TBC1D9: variants seen among roughly 807,000 people sequenced by gnomAD.
TBC1D9 encodes the protein TBC1 domain family member 9A.
TBC1D9 carries 63 observed loss-of-function variants against 132.0 expected under a neutral mutation model. The observed-to-expected ratio is 0.48, with a 90% CI of 0.39 to 0.59. TBC1D9 has a LOEUF of 0.59. TBC1D9 is among the 20% of genes least tolerant of loss of function. The pLI is 0.00. For missense variants in TBC1D9, 1,261 were observed against 1,592.7 expected (o/e 0.79, Z 3.54); for synonymous variants, 610 against 609.9 (o/e 1.00, Z 0.00).
Position 140,692,284 on chromosome 4 carries a change from G to A in TBC1D9, c.242-5822C>T, listed in dbSNP as rs555898989. Among the ~76,000 whole-genome samples, 5 of 152,258 alleles carry A rather than the reference G, an allele frequency of 3.3e-5. No individual in the cohort carries two copies. The South Asian group carries it at 1.0e-3, about 32-fold the overall frequency. ...CCTAGTATTTTCAGATTCAGAACAGGCTATGTGGATCACTGAGTTCACATG... is the reference window on the plus strand; with the variant it reads ...CCTAGTATTTTCAGATTCAGAACAGACTATGTGGATCACTGAGTTCACATG... On this transcript the variant is annotated intron_variant, in intron 2 of 20. Transcript: ENST00000442267.
At position 140,681,092 on chromosome 4, in the gene TBC1D9, C is replaced by A. The variant is rs540158447; in HGVS notation, c.361-1249G>T. On this transcript the variant is annotated intron_variant, in intron 3 of 20. Transcript: ENST00000442267. Reference sequence around the variant, plus strand: ...TTTTTGGATCCAACCAATGCCGCAACTTTTTCTCACTGGACTACATCCTAC... The same window carrying A: ...TTTTTGGATCCAACCAATGCCGCAAATTTTTCTCACTGGACTACATCCTAC... Among the ~76,000 whole-genome samples the A allele has an allele frequency of 4.8e-4, 73 of 152,288 alleles. 4 individuals carry two copies. The South Asian group carries it at 0.015, about 31-fold the overall frequency.
chr4:140,646,466 T>G (rs1043397947), intron 13 of TBC1D9, among the ~76,000 whole-genome samples: 1 of 152,210 alleles, frequency 6.6e-6, no homozygotes, highest in Admixed American at 6.5e-5. Context: ...AAACAATGAA[T>G]ACTTTTTTAC....
chr4:140,689,455 C>CCCCTT (rs72259208), intron 2 of TBC1D9, among the ~76,000 whole-genome samples: 3 of 79,530 alleles, frequency 3.8e-5, no homozygotes, highest in African/African-American at 1.0e-4. Context: ...CTTCCCTTCC[C>CCCCTT]CCCTTCCCTT....
intron 2 of TBC1D9, among the ~76,000 whole-genome samples, chr4:140,692,224 A>G (rs1337742538): frequency 6.6e-6 from 1 of 152,194 alleles, no homozygotes; most frequent in Non-Finnish European, 1.5e-5. Context: ...CAAAACAAAA[A>G]CCCAATAAGC....
At chr4:140,656,539 C>T (rs1235418486) in intron 13 of TBC1D9, among the ~76,000 whole-genome samples, 1 of 152,152 alleles carries the variant, frequency 6.6e-6, no homozygotes, top group Non-Finnish European at 1.5e-5. Context: ...ACCAGTACTG[C>T]ACAAAGCCCT....
chr4:140,641,831 C>A (rs570204201), intron 13 of TBC1D9: 13 of 303,606 alleles, frequency 4.3e-5, no homozygotes, highest in South Asian at 3.9e-4. Flanking sequence ...GGCCTTCCTG[C>A]GGCCATCCGC....
intron 15 of TBC1D9, among the ~76,000 whole-genome samples, chr4:140,636,065 A>C (rs1736875126): frequency 6.6e-6 from 1 of 152,186 alleles, no homozygotes; most frequent in Non-Finnish European, 1.5e-5. Context: ...TGGCCTGAAC[A>C]TGGGTGCAGG....
intron 2 of TBC1D9, among the ~76,000 whole-genome samples, chr4:140,689,340 A>G (rs1373033847): frequency 6.6e-6 from 1 of 151,978 alleles, no homozygotes; most frequent in East Asian, 1.9e-4. Context: ...CCCATCAGCC[A>G]TAAGACCTAT....
At chr4:140,722,043 C>T (rs545590984) in intron 1 of TBC1D9, among the ~76,000 whole-genome samples, 5 of 152,288 alleles carry the variant, frequency 3.3e-5, no homozygotes, top group African/African-American at 9.6e-5. Context: ...TATTCCTCCC[C>T]TGTCCTGGGA....
chr4:140,742,843 AAAGAG>A (rs1344196404), intron 1 of TBC1D9, among the ~76,000 whole-genome samples: 1 of 152,192 alleles, frequency 6.6e-6, no homozygotes, highest in African/African-American at 2.4e-5. Flanking sequence ...ACAGAAGAGA[AAAGAG>A]AGAAGAAAGA....
Position 140,657,791 on chromosome 4 carries a change from A to T in TBC1D9, c.1943T>A (p.Val648Asp). 6.2e-7 allele frequency: 1 copy of T among 1,613,242 alleles called. No individual in the cohort carries two copies. The highest frequency in any genetic ancestry group is 8.5e-7 in the Non-Finnish European group (1 of 1,179,520). ...GTAGTCTCGTGCTAGCTCCTCAAAG[A>T]CACCTTGGTCCACCAGTGCACCTGT... ...RVVGALVDQGVFEELARDYVP... is the reference protein window; with the variant it reads ...RVVGALVDQGDFEELARDYVP... The change falls in exon 12 of 21, where the codon GTC becomes GAC. Residue 648 changes from valine (V) to aspartate (D), a missense_variant. Around this residue, in one of 3 missense-constraint regions of TBC1D9, gnomAD observed 93 missense variants for 169.2 expected, o/e 0.55. Coordinates refer to ENST00000442267, the MANE Select transcript of TBC1D9 (RefSeq NM_015130.3).
intron 2 of TBC1D9, among the ~76,000 whole-genome samples, chr4:140,692,251 G>A (rs1004334898): frequency 6.6e-6 from 1 of 152,180 alleles, no homozygotes; most frequent in Non-Finnish European, 1.5e-5. Flanking sequence ...GGATTAAAGA[G>A]CAACTGACCT....
At chr4:140,754,547 G>A (rs1326089862) in intron 1 of TBC1D9, among the ~76,000 whole-genome samples, 1 of 147,172 alleles carries the variant, frequency 6.8e-6, no homozygotes, top group African/African-American at 2.5e-5. Flanking sequence ...CCCAGGAGAA[G>A]GAGGTTGCAG....
intron 6 of TBC1D9, among the ~76,000 whole-genome samples, chr4:140,673,285 G>A (rs1466171868): frequency 6.6e-6 from 1 of 152,130 alleles, no homozygotes; most frequent in Non-Finnish European, 1.5e-5. Context: ...AAGTCAATAT[G>A]TAGAATGTGT....
In TBC1D9 at chr4:140,623,009, G is replaced by A. The variant is rs952975853; in HGVS notation, c.3079-92C>T. 1.5e-4 allele frequency: 208 copies of A among 1,395,630 alleles called. 1 individual carries two copies. The highest frequency in any genetic ancestry group is 1.8e-4 in the Non-Finnish European group (189 of 1,071,020). 86.5% of individuals were successfully genotyped at this position (1,395,630 alleles called of 1,614,324 possible). ...ACTGTAAAGCCATTTAAATGAGAAC[G>A]CCTAAAGATCCCTGGAAAGTCCTCC... On this transcript the variant is annotated intron_variant, in intron 20 of 20. Transcript: ENST00000442267.
intron 3 of TBC1D9, among the ~76,000 whole-genome samples, chr4:140,686,022 T>C (rs192304729): frequency 2.6e-5 from 4 of 152,296 alleles, no homozygotes; most frequent in Non-Finnish European, 5.9e-5. Context: ...AAATACTCCA[T>C]ATGATGACTA....
At chr4:140,733,469 AT>A (rs1268965769) in intron 1 of TBC1D9, among the ~76,000 whole-genome samples, 2 of 152,154 alleles carry the variant, frequency 1.3e-5, no homozygotes, top group African/African-American at 2.4e-5. Context: ...ATTCTCTGTA[AT>A]GCCTAGACCT....
chr4:140,679,050 A>C lies in TBC1D9; in HGVS notation c.743T>G (p.Leu248Arg). 6.2e-7 allele frequency: 1 copy of C among 1,613,952 alleles called. No individual in the cohort carries two copies. Among genetic ancestry groups the C allele is most frequent in the Non-Finnish European group, 8.5e-7 (1 of 1,179,868 alleles). The change falls in exon 5 of 21, where the codon CTT becomes CGT. Residue 248 changes from leucine to arginine, a missense_variant. Physicochemically the swap from Leu to Arg is moderately radical, Grantham distance 102. Coordinates refer to ENST00000442267, the MANE Select transcript of TBC1D9 (RefSeq NM_015130.3). ...INETFKLMEQ[L>R]ANIAMRQLLD... ...GAGTTGCCTCATGGCTATGTTGGCA[A>C]GCTGCTCCATTAACTTGAAGGTCTC... is the stretch of plus-strand genomic sequence containing the variant.
chr4:140,673,387 A>G (rs1391660663), intron 6 of TBC1D9, among the ~76,000 whole-genome samples: 1 of 152,164 alleles, frequency 6.6e-6, no homozygotes, highest in African/African-American at 2.4e-5. Flanking sequence ...AAAAGTGGGC[A>G]TTCCGTGTAG....
Sources: allele counts gnomAD v4.1 joint callset (sites outside exome capture counted in the v4.1 genomes callset), GRCh38; gene constraint gnomAD v4.1.1; regional missense constraint gnomAD v4.1.1; transcripts MANE v1.5; gene names NCBI Gene and HGNC (gene_info 2026-07-23, HGNC 2026-07-21).